The following TOP6BL variants were observed in gnomAD, a reference collection of about 807,000 sequenced individuals.
TOP6BL encodes the protein TOP6B like initiator of meiotic double strand breaks.
At chr11:66,812,497 C>T in the TOP6BL span, among the ~76,000 whole-genome samples, 1 of 151,956 alleles carries the variant, frequency 6.6e-6, no homozygotes, top group Non-Finnish European at 1.5e-5. Context: ...TCTTAAAAAT[C>T]CCCTTGCCCT....
At chr11:66,764,764 G>T in the TOP6BL span, among the ~76,000 whole-genome samples, 2 of 151,818 alleles carry the variant, frequency 1.3e-5, no homozygotes, top group African/African-American at 4.8e-5. Flanking sequence ...GATTGCTCGA[G>T]CCTTGGGCAG....
the TOP6BL span, among the ~76,000 whole-genome samples, chr11:66,763,546 G>A: frequency 6.6e-6 from 1 of 151,972 alleles, no homozygotes; most frequent in Non-Finnish European, 1.5e-5. Flanking sequence ...CTGGGCTCAA[G>A]CAGTCCTCCC....
chr11:66,800,569 G>C, the TOP6BL span: 2 of 1,177,284 alleles, frequency 1.7e-6, no homozygotes, highest in Admixed American at 5.3e-5. Context: ...TTCCTTTAGG[G>C]ATTAGATATG....
At chr11:66,768,122 T>A in the TOP6BL span, among the ~76,000 whole-genome samples, 2 of 152,116 alleles carry the variant, frequency 1.3e-5, no homozygotes, top group Non-Finnish European at 2.9e-5. Context: ...TTTGTCCTCT[T>A]TGTTAATTTG....
At chr11:66,821,442 C>T in the TOP6BL span, among the ~76,000 whole-genome samples, 14 of 152,176 alleles carry the variant, frequency 9.2e-5, no homozygotes, top group African/African-American at 2.4e-4. Flanking sequence ...TGCCCGCCAC[C>T]GTGCTTGGCT....
At chr11:66,781,716 T>G in the TOP6BL span, among the ~76,000 whole-genome samples, 1 of 152,112 alleles carries the variant, frequency 6.6e-6, no homozygotes, top group Non-Finnish European at 1.5e-5. Context: ...TTTTAAATTT[T>G]TTTGTAGAGA....
At chr11:66,821,803 A>G in the TOP6BL span, 27 of 1,604,794 alleles carry the variant, frequency 1.7e-5, no homozygotes, top group Non-Finnish European at 2.1e-5. Context: ...CCTATTCTCT[A>G]AGAAAAAGAT....
At chr11:66,783,719 A>AT in the TOP6BL span, among the ~76,000 whole-genome samples, 1 of 152,048 alleles carries the variant, frequency 6.6e-6, no homozygotes. Flanking sequence ...TTCTGGATCT[A>AT]TTTTTAATGT....
At chr11:66,797,764 C>G in the TOP6BL span, among the ~76,000 whole-genome samples, 1 of 152,270 alleles carries the variant, frequency 6.6e-6, no homozygotes, top group Admixed American at 6.5e-5. Context: ...CTCAGACTCT[C>G]AAAATGCTGG....
At chr11:66,842,070 G>T in the TOP6BL span, among the ~76,000 whole-genome samples, 70 of 152,114 alleles carry the variant, frequency 4.6e-4, no homozygotes, top group African/African-American at 1.7e-3. Flanking sequence ...GGTGGCATGC[G>T]CCTGTGGTTC....
the TOP6BL span, among the ~76,000 whole-genome samples, chr11:66,841,570 T>C: frequency 6.6e-6 from 1 of 152,200 alleles, no homozygotes; most frequent in Non-Finnish European, 1.5e-5. Context: ...AGCCACACCT[T>C]TGAAAGAACG....
chr11:66,843,360 GC>G, the TOP6BL span: 1 of 1,252,944 alleles, frequency 8.0e-7, no homozygotes, highest in Non-Finnish European at 1.1e-6. Flanking sequence ...TCGGGCCCGG[GC>G]GGGGCGGGGC....
chr11:66,836,618 G>A, the TOP6BL span, among the ~76,000 whole-genome samples: 1 of 150,268 alleles, frequency 6.7e-6, no homozygotes, highest in Non-Finnish European at 1.5e-5. Context: ...TTTGGGAGGC[G>A]GAGGTGGGAG....
the TOP6BL span, chr11:66,822,606 T>C: frequency 4.5e-6 from 7 of 1,553,052 alleles, no homozygotes; most frequent in Admixed American, 1.4e-4. Flanking sequence ...GGCTGTGAAC[T>C]CCATCATGAG....
At chr11:66,797,390 C>CT in the TOP6BL span, among the ~76,000 whole-genome samples, 15 of 151,986 alleles carry the variant, frequency 9.9e-5, no homozygotes, top group Non-Finnish European at 2.2e-4. Context: ...TTTTTTATTG[C>CT]TTTATTGTAT....
the TOP6BL span, among the ~76,000 whole-genome samples, chr11:66,780,810 G>T: frequency 1.3e-5 from 2 of 152,062 alleles, no homozygotes; most frequent in African/African-American, 4.8e-5. Flanking sequence ...ATGAACTCCT[G>T]GCCTCAAGCG....
At chr11:66,843,381 A>AGCCGC in the TOP6BL span, 1 of 1,431,258 alleles carries the variant, frequency 7.0e-7, no homozygotes, top group Non-Finnish European at 9.1e-7. Flanking sequence ...CGGGGCGTGG[A>AGCCGC]GCCGCGCCGC....
chr11:66,769,804 A>G, the TOP6BL span, among the ~76,000 whole-genome samples: 1 of 151,522 alleles, frequency 6.6e-6, no homozygotes, highest in Non-Finnish European at 1.5e-5. Context: ...GCAGTGGTGC[A>G]ATCTTGGCTC....
At chr11:66,799,475 G>A in the TOP6BL span, among the ~76,000 whole-genome samples, 3 of 151,846 alleles carry the variant, frequency 2.0e-5, no homozygotes, top group Non-Finnish European at 4.4e-5. Flanking sequence ...GGAAGCCGAG[G>A]TGGGTGGATC....
Sources: gnomAD v4.1 joint callset for allele counts (sites outside exome capture counted in the v4.1 genomes callset) on GRCh38, gnomAD v4.1.1 for gene constraint, MANE v1.5 for transcripts, NCBI Gene and HGNC (gene_info 2026-07-23, HGNC 2026-07-21) for gene names.